ADNP: variants seen among roughly 807,000 people sequenced by gnomAD.
ADNP encodes the protein activity-dependent neuroprotector homeobox protein.
A neutral mutation model predicts 84.9 loss-of-function variants in ADNP; 4 were observed. The ratio of observed to expected loss-of-function variants is 0.05; its 90% CI spans 0.02 to 0.11. The LOEUF (loss-of-function observed/expected upper bound fraction) is 0.11, where lower values mean the gene tolerates loss of function less well. ADNP is among the 10% of genes least tolerant of loss of function. The pLI is 1.00. For synonymous variants in ADNP, 554 were observed against 468.1 expected (o/e 1.18, Z -2.37); for missense variants, 1,132 against 1,326.0 (o/e 0.85, Z 2.27).
chr20:50,898,384 G>T (rs900108425), intron 5 of ADNP, among the ~76,000 whole-genome samples: 1 of 152,086 alleles, frequency 6.6e-6, no homozygotes, highest in Non-Finnish European at 1.5e-5. Context: ...GATCATCATG[G>T]TGCTGAGAGG....
At position 50,890,158 on chromosome 20, in the gene ADNP, A is replaced by AAAAAAG. The variant is rs1980529790; in HGVS notation, c.*1246_*1247insCTTTTT. The AAAAAAG allele has an allele frequency of 4.3e-6, 1 of 231,852 alleles. No individual in the cohort carries two copies. Among genetic ancestry groups the AAAAAAG allele is most frequent in the East Asian group, 6.9e-5 (1 of 14,568 alleles). The allele number at this position is 231,852 out of a possible 1,614,324, so 14.4% of individuals were successfully genotyped here. A position where few individuals can be genotyped will look rare whatever the true frequency, so the allele number is the denominator to read the frequency against. Reference sequence around the variant, plus strand: ...AAAAAAAAAAAAAAAAAAAAAAAAAAAAAGAAAAACAGATTTTGTACCAGG... The same window carrying AAAAAAG: ...AAAAAAAAAAAAAAAAAAAAAAAAAAAAAAAGAAAGAAAAACAGATTTTGTACCAGG... On this transcript the variant is annotated 3_prime_UTR_variant, in exon 6 of 6. Transcript: ENST00000621696.
In ADNP at chr20:50,893,215, G is replaced by T; in HGVS notation, c.1499C>A (p.Thr500Lys). 1 of 1,614,254 alleles carries T rather than the reference G, an allele frequency of 6.2e-7. No individual in the cohort carries two copies. The highest frequency in any genetic ancestry group is 2.2e-5 in the East Asian group (1 of 44,892). ...KCLYCNRYLPTDTLLNHMLIH... is the reference protein window; with the variant it reads ...KCLYCNRYLPKDTLLNHMLIH... ...TAACATATGGTTGAGCAGAGTATCT[G>T]TGGGTAAATAGCGATTACAGTAGAG... Residue 500 changes from threonine to lysine, a missense_variant, in exon 6 of 6, where the codon ACA (threonine) becomes AAA (lysine). Thr to Lys is a moderately conservative substitution (Grantham distance 78). Around this residue, in one of 10 missense-constraint regions of ADNP, gnomAD observed 87 missense variants for 181.4 expected, o/e 0.48. Coordinates refer to ENST00000621696, the MANE Select transcript of ADNP (RefSeq NM_001282531.3). This position sits in a 1 kb window ranked among gnomAD's most constrained non-coding sequence, Gnocchi z 4.4.
intron 2 of ADNP, chr20:50,905,079 A>G (rs1374373583): frequency 6.6e-6 from 1 of 152,208 alleles, no homozygotes; most frequent in Non-Finnish European, 1.5e-5. Context: ...GGGAACTCAA[A>G]AATTATTTTA....
chr20:50,899,197 G>GTTT (rs111552447), intron 5 of ADNP, among the ~76,000 whole-genome samples: 2 of 140,954 alleles, frequency 1.4e-5, no homozygotes, highest in Non-Finnish European at 1.6e-5. Flanking sequence ...TGGTAATGAG[G>GTTT]TTTTTTTTTT....
In ADNP at chr20:50,911,409, C is replaced by T. The variant is rs956302487; in HGVS notation, c.-89-6560G>A. 2.0e-5 allele frequency among the ~76,000 whole-genome samples: 3 copies of T among 152,118 alleles called. No individual in the cohort carries two copies. The South Asian group carries it at 6.2e-4, about 32-fold the overall frequency. On this transcript the variant is annotated intron_variant, in intron 2 of 5. Transcript: ENST00000621696. ...ATAGGGGTCTAGTTTCATTCTTCTG[C>T]ACTATGGCAATCCAATTTTCCTACC... is the stretch of plus-strand genomic sequence containing the variant.
chr20:50,922,336 C>A (rs1419764307), intron 2 of ADNP, among the ~76,000 whole-genome samples: 1 of 152,214 alleles, frequency 6.6e-6, no homozygotes, highest in Non-Finnish European at 1.5e-5. Context: ...AACTGTAAGT[C>A]TGGGCCTCCA....
At chr20:50,915,087 A>T (rs539124498) in intron 2 of ADNP, among the ~76,000 whole-genome samples, 1 of 152,326 alleles carries the variant, frequency 6.6e-6, no homozygotes, top group East Asian at 1.9e-4. Context: ...CAAGCTTGTT[A>T]AAATGATTAT....
Position 50,892,776 on chromosome 20 carries a change from C to A in ADNP, c.1938G>T (p.Arg646Ser). ...SDALAHHLRE[R>S]HQVIQTVHPV... ...GATGAACCGTCTGAATAACTTGGTG[C>A]CTCTCTCGTAAGTGATGTGCAAGTG... Residue 646 changes from arginine to serine, a missense_variant, in exon 6 of 6, where the codon AGG becomes AGT. Around this residue, in one of 10 missense-constraint regions of ADNP, gnomAD observed 39 missense variants for 96.2 expected, o/e 0.41. Transcript: ENST00000621696. The A allele has an allele frequency of 6.2e-7, 1 of 1,614,182 alleles. No individual in the cohort carries two copies. The highest frequency in any genetic ancestry group is 8.5e-7 in the Non-Finnish European group (1 of 1,180,040).
chr20:50,901,457 G>T (rs1427435064), intron 5 of ADNP, among the ~76,000 whole-genome samples: 1 of 150,454 alleles, frequency 6.6e-6, no homozygotes, highest in Non-Finnish European at 1.5e-5. Context: ...AAATTAAATT[G>T]ACAATTACCT....
Position 50,893,322 on chromosome 20 carries a change from G to A in ADNP, c.1392C>T (p.His464=), listed in dbSNP as rs139316207. The A allele has an allele frequency of 2.5e-6, 4 of 1,614,228 alleles. No individual in the cohort carries two copies. Among genetic ancestry groups the A allele is most frequent in the Non-Finnish European group, 3.4e-6 (4 of 1,180,026 alleles). ...ELFPENVYSV[H]FEKEHKAEKV... ...TCTCAGCTTTATGTTCTTTTTCGAA[G>A]TGCACACTATAGACATTTTCAGGAA... The change falls in exon 6 of 6, where the codon CAC becomes CAT. Residue 464 remains histidine, a synonymous_variant. Coordinates refer to ENST00000621696, the MANE Select transcript of ADNP (RefSeq NM_001282531.3). The surrounding 1 kb of genome is among the most constrained non-coding windows in gnomAD (Gnocchi z 4.4).
chr20:50,905,673 A>G (rs1982406105), intron 2 of ADNP: 1 of 152,206 alleles, frequency 6.6e-6, no homozygotes, highest in Admixed American at 6.5e-5. Context: ...AAAACCTTCT[A>G]GGCCTTATCA....
chr20:50,911,782 G>A (rs1983064122), intron 2 of ADNP, among the ~76,000 whole-genome samples: 1 of 152,070 alleles, frequency 6.6e-6, no homozygotes, highest in African/African-American at 2.4e-5. Flanking sequence ...AAAAAGATAA[G>A]CCTGTTTTAG....
intron 2 of ADNP, among the ~76,000 whole-genome samples, chr20:50,925,718 AAACT>A (rs1354663904): frequency 6.6e-6 from 1 of 152,240 alleles, no homozygotes; most frequent in East Asian, 1.9e-4. Flanking sequence ...CCGAGTTTCC[AAACT>A]AACAACATAG....
At chr20:50,915,441 G>A (rs1269883856) in intron 2 of ADNP, among the ~76,000 whole-genome samples, 1 of 152,136 alleles carries the variant, frequency 6.6e-6, no homozygotes, top group African/African-American at 2.4e-5. Flanking sequence ...ATCTTACACA[G>A]CTTTAAGATT....
chr20:50,908,123 A>T (rs1982665458), intron 2 of ADNP, among the ~76,000 whole-genome samples: 1 of 151,146 alleles, frequency 6.6e-6, no homozygotes, highest in Non-Finnish European at 1.5e-5. Flanking sequence ...TGGCACCTTC[A>T]AAAGCATTTG....
At chr20:50,926,215 G>A (rs953920645) in intron 2 of ADNP, among the ~76,000 whole-genome samples, 2 of 152,168 alleles carry the variant, frequency 1.3e-5, no homozygotes, top group Non-Finnish European at 2.9e-5. Context: ...TACACATAGG[G>A]GAGCAATGTT....
intron 2 of ADNP, among the ~76,000 whole-genome samples, chr20:50,918,886 AT>A (rs1983714379): frequency 6.6e-6 from 1 of 152,152 alleles, no homozygotes; most frequent in South Asian, 2.1e-4. Flanking sequence ...GGTGTAGTTC[AT>A]TTATAGCAAA....
Position 50,892,076 on chromosome 20 carries a change from CAAAACTGTCTGA to C in ADNP, c.2626_2637del (p.Ser876_Phe879del). 1 of 1,614,134 alleles carries C rather than the reference CAAAACTGTCTGA, an allele frequency of 6.2e-7. No individual in the cohort carries two copies. Among genetic ancestry groups the C allele is most frequent in the East Asian group, 2.2e-5 (1 of 44,886 alleles). ...TCATTGGATTCTTCTTCCAAATTTT[CAAAACTGTCTGA>C]GGAACTGTCATCTTCCTTCCCAAGG... is the stretch of plus-strand genomic sequence containing the variant. On this transcript the variant is annotated inframe_deletion, in exon 6 of 6. Coordinates refer to ENST00000621696, the MANE Select transcript of ADNP (RefSeq NM_001282531.3).
intron 2 of ADNP, among the ~76,000 whole-genome samples, chr20:50,920,262 CAAAAAAAAA>C (rs56181933): frequency 9.3e-5 from 6 of 64,552 alleles, no homozygotes; most frequent in Admixed American, 2.1e-4. Context: ...ATTCCACCTC[CAAAAAAAAA>C]AAAAAAAAAA....
Sources: allele counts gnomAD v4.1 joint callset (sites outside exome capture counted in the v4.1 genomes callset), GRCh38; gene constraint gnomAD v4.1.1; regional missense constraint gnomAD v4.1.1; non-coding constraint Gnocchi (gnomAD v3.1); transcripts MANE v1.5; gene names NCBI Gene and HGNC (gene_info 2026-07-23, HGNC 2026-07-21).